Variants in TAFA2 observed in about 807,000 individuals in gnomAD.
The protein encoded by TAFA2 is TAFA chemokine like family member 2, also known as chemokine-like protein TAFA-2.
A neutral mutation model predicts 18.8 loss-of-function variants in TAFA2; 7 were observed. That is an observed-to-expected ratio of 0.37 (90% CI 0.21 to 0.70). The LOEUF is 0.70. Ranked by LOEUF, TAFA2 falls within the 30% of genes least tolerant of loss-of-function variation. The pLI is 0.53. For synonymous variants in TAFA2, 60 were observed against 54.2 expected, an observed-to-expected ratio of 1.11 and a Z score of -0.47; for missense variants, 122 against 158.1, an observed-to-expected ratio of 0.77 and a Z score of 1.23.
Position 61,862,822 on chromosome 12 carries a change from T to C in TAFA2, c.106+4498A>G, listed in dbSNP as rs113748668. ...TCTTACCCAAAGGGCTATTTAAAAA[T>C]TATATTCCCTCCTGAATACTTCCTA... On this transcript the variant is annotated intron_variant, in intron 2 of 4. Transcript: ENST00000416284. Among the ~76,000 whole-genome samples the C allele has an allele frequency of 7.5e-3, 1,138 of 152,300 alleles. 13 individuals carry two copies. Among genetic ancestry groups the C allele is most frequent in the African/African-American group, 0.026 (1,062 of 41,574 alleles).
chr12:62,179,510 C>G (rs1016888528), intron 1 of TAFA2, among the ~76,000 whole-genome samples: 1 of 152,068 alleles, frequency 6.6e-6, no homozygotes, highest in African/African-American at 2.4e-5. Flanking sequence ...AACTGGAACT[C>G]ATTATTTTTG....
intron 1 of TAFA2, among the ~76,000 whole-genome samples, chr12:62,000,273 A>C (rs1017306894): frequency 6.8e-6 from 1 of 147,076 alleles, no homozygotes; most frequent in Non-Finnish European, 1.5e-5. Context: ...CTATATTAAG[A>C]GGAGCTCAAA....
At chr12:61,900,939 T>A (rs1876071110) in intron 1 of TAFA2, among the ~76,000 whole-genome samples, 1 of 152,196 alleles carries the variant, frequency 6.6e-6, no homozygotes, top group South Asian at 2.1e-4. Context: ...AGTATTATCA[T>A]TTCTTTGTTT....
intron 2 of TAFA2, among the ~76,000 whole-genome samples, chr12:61,781,691 A>G (rs1289118296): frequency 6.6e-6 from 1 of 151,716 alleles, no homozygotes; most frequent in African/African-American, 2.4e-5. Flanking sequence ...TGTTAGAAAT[A>G]CACGATAAAA....
intron 1 of TAFA2, among the ~76,000 whole-genome samples, chr12:62,160,220 C>G (rs181789479): frequency 3.3e-4 from 51 of 152,334 alleles, no homozygotes; most frequent in African/African-American, 1.2e-3. Flanking sequence ...GCTTTCTTCT[C>G]TCCCTAACAG....
intron 2 of TAFA2, among the ~76,000 whole-genome samples, chr12:61,763,811 G>A (rs1474702428): frequency 6.6e-6 from 1 of 151,838 alleles, no homozygotes; most frequent in African/African-American, 2.4e-5. Flanking sequence ...CAGAGAGAAG[G>A]GAGCAGGTGG....
intron 1 of TAFA2, among the ~76,000 whole-genome samples, chr12:61,940,309 C>A (rs1255988292): frequency 6.6e-6 from 1 of 152,172 alleles, no homozygotes; most frequent in Non-Finnish European, 1.5e-5. Flanking sequence ...CAAGGGGACC[C>A]ACATTTTCAG....
rs143609708 is a variant in TAFA2, at chr12:62,088,910, C to CTGTG, written c.-2+102345_-2+102348dup. Among the ~76,000 whole-genome samples the CTGTG allele has an allele frequency of 2.7e-4, 41 of 150,426 alleles. 1 individual carries two copies. Among genetic ancestry groups the CTGTG allele is most frequent in the African/African-American group, 8.8e-4 (36 of 41,046 alleles). On this transcript the variant is annotated intron_variant, in intron 1 of 4. Transcript: ENST00000416284. ...TCTCTCTCTCTCTCTCTCTCTATCT[C>CTGTG]TGTGTGTGTGTGTGTGTGCACGCGC... is the stretch of plus-strand genomic sequence containing the variant.
chr12:61,799,683 G>C (rs544561061), intron 2 of TAFA2, among the ~76,000 whole-genome samples: 1 of 152,066 alleles, frequency 6.6e-6, no homozygotes, highest in Non-Finnish European at 1.5e-5. Flanking sequence ...TTAGCCGGGC[G>C]TGGTGGCTGG....
At chr12:61,756,614 T>C (rs1869279667) in intron 2 of TAFA2, among the ~76,000 whole-genome samples, 1 of 152,108 alleles carries the variant, frequency 6.6e-6, no homozygotes, top group Non-Finnish European at 1.5e-5. Flanking sequence ...AGAGCTTATG[T>C]TTCTGAGGAG....
At chr12:62,047,225 G>C (rs1477302607) in intron 1 of TAFA2, among the ~76,000 whole-genome samples, 1 of 152,076 alleles carries the variant, frequency 6.6e-6, no homozygotes, top group Non-Finnish European at 1.5e-5. Context: ...AAATAAGGTA[G>C]AAAGAGAAGA....
rs17125939 is a variant in TAFA2 at position 62,140,775 on chromosome 12, A to G, written c.-2+50484T>C. Reference sequence around the variant, plus strand: ...CAGCTTCCCCAGGGCTGCCAGGACCATCAGAAGTAGGTTTTATGTCCTATA... The same window carrying G: ...CAGCTTCCCCAGGGCTGCCAGGACCGTCAGAAGTAGGTTTTATGTCCTATA... On this transcript the variant is annotated intron_variant, in intron 1 of 4. Transcript: ENST00000416284. Among the ~76,000 whole-genome samples, 152 of 152,290 alleles carry G rather than the reference A, an allele frequency of 1.0e-3. 2 individuals are homozygous for G. The East Asian group carries it at 0.018, about 18-fold the overall frequency.
rs902212745 is a variant in TAFA2, at chr12:61,957,195, G to T, written c.-1-89769C>A. ...GAATAAGGAGATCTTTGGTGTCACA[G>T]ACACAGTTACTTCTCCATTACCCAT... On this transcript the variant is annotated intron_variant, in intron 1 of 4. Coordinates refer to ENST00000416284, the MANE Select transcript of TAFA2 (RefSeq NM_178539.5). Among the ~76,000 whole-genome samples, 3 of 152,132 alleles carry T rather than the reference G, an allele frequency of 2.0e-5. No homozygotes were observed. In the East Asian group the frequency reaches 5.8e-4, roughly 29 times the overall value.
intron 1 of TAFA2, among the ~76,000 whole-genome samples, chr12:62,204,215 C>G (rs1304967758): frequency 6.6e-6 from 1 of 152,138 alleles, no homozygotes; most frequent in Non-Finnish European, 1.5e-5. Context: ...CACAGTGAGT[C>G]TGACGAACTT....
chr12:61,735,812 A>G (rs1336551793), intron 4 of TAFA2, among the ~76,000 whole-genome samples: 1 of 151,832 alleles, frequency 6.6e-6, no homozygotes, highest in Non-Finnish European at 1.5e-5. Flanking sequence ...CCTTATCTTC[A>G]TGTTTGCCTG....
At chr12:61,722,565 T>C (rs1037953881) in intron 4 of TAFA2, among the ~76,000 whole-genome samples, 10 of 152,220 alleles carry the variant, frequency 6.6e-5, no homozygotes, top group African/African-American at 2.2e-4. Flanking sequence ...TTTGTTTTTC[T>C]GTTTTTAAGA....
intron 1 of TAFA2, among the ~76,000 whole-genome samples, chr12:62,042,201 T>C (rs1881775048): frequency 6.6e-6 from 1 of 151,950 alleles, no homozygotes; most frequent in South Asian, 2.1e-4. Context: ...CTCTTATCCC[T>C]ACAAGCAAAA....
intron 1 of TAFA2, among the ~76,000 whole-genome samples, chr12:61,882,096 C>T (rs938314719): frequency 2.6e-5 from 4 of 152,078 alleles, no homozygotes; most frequent in East Asian, 1.9e-4. Flanking sequence ...GATTTGAAGA[C>T]GTTTAATGTA....
chr12:61,720,903 T>C (rs1200200614), intron 4 of TAFA2: 5 of 517,654 alleles, frequency 9.7e-6, no homozygotes, highest in Admixed American at 1.9e-5. Context: ...CCATTCGAAC[T>C]TGAAGAGTTT....
Sources: allele counts gnomAD v4.1 joint callset (sites outside exome capture counted in the v4.1 genomes callset), GRCh38; gene constraint gnomAD v4.1.1; transcripts MANE v1.5; gene names NCBI Gene and HGNC (gene_info 2026-07-23, HGNC 2026-07-21).